Variants in CHN1 observed in about 807,000 individuals in gnomAD.
CHN1 encodes N-chimaerin.
In CHN1, 37 loss-of-function variants were observed where a neutral mutation model predicts 59.5. The ratio of observed to expected loss-of-function variants is 0.62; its 90% CI spans 0.48 to 0.82. The LOEUF (loss-of-function observed/expected upper bound fraction) is 0.82. Ranked by LOEUF, CHN1 falls within the 40% of genes least tolerant of loss-of-function variation. The pLI, the probability that CHN1 is intolerant of heterozygous loss-of-function variation, is 0.00. For synonymous variants in CHN1, 206 were observed against 200.4 expected (o/e 1.03, Z -0.24); for missense variants, 469 against 571.0 (o/e 0.82, Z 1.82).
chr2:174,960,774 A>G lies in CHN1; in HGVS notation c.20-8572T>C, dbSNP rs968124150. ...GAGGCAGAGGTTGCAGTGAGCCGAG[A>G]TCATGCCACTGTACTCTGACCTGGG... is the stretch of plus-strand genomic sequence containing the variant. On this transcript the variant is annotated intron_variant, in intron 1 of 12. Transcript: ENST00000409900. 2.6e-5 allele frequency among the ~76,000 whole-genome samples: 4 copies of G among 152,100 alleles called. No individual in the cohort carries two copies. The East Asian group carries it at 7.7e-4, about 29-fold the overall frequency.
intron 5 of CHN1, among the ~76,000 whole-genome samples, chr2:174,897,759 AG>A: frequency 6.6e-6 from 1 of 152,220 alleles, no homozygotes; most frequent in Non-Finnish European, 1.5e-5. Context: ...CAGACAACAC[AG>A]AAAGAATAGG....
At chr2:174,844,077 A>G (rs1320451112) in intron 7 of CHN1, among the ~76,000 whole-genome samples, 1 of 152,142 alleles carries the variant, frequency 6.6e-6, no homozygotes, top group Non-Finnish European at 1.5e-5. Flanking sequence ...ATTGATTTAG[A>G]TAACTTATAG....
rs530799810 is a variant in CHN1, at chr2:174,826,498, C to T, written c.628-1980G>A. On this transcript the variant is annotated intron_variant, in intron 7 of 12. Transcript: ENST00000409900. The stretch of plus-strand genomic sequence containing the variant: ...ACCTCAGGATAATCAGTATCATTTA[C>T]TTGGTAAGGTGACTAAAGATGCAAT... Among the ~76,000 whole-genome samples, 59 of 152,262 alleles carry T rather than the reference C, an allele frequency of 3.9e-4. No homozygotes were observed. In the South Asian group the frequency reaches 0.012, roughly 30 times the overall value.
chr2:174,996,163 A>G (rs1050831850), intron 1 of CHN1, among the ~76,000 whole-genome samples: 10 of 152,318 alleles, frequency 6.6e-5, no homozygotes, highest in Non-Finnish European at 1.2e-4. Flanking sequence ...AAGGAGAAGC[A>G]AACATTGCCT....
At chr2:174,883,965 C>CAT (rs1382435203) in intron 5 of CHN1, among the ~76,000 whole-genome samples, 9 of 121,506 alleles carry the variant, frequency 7.4e-5, no homozygotes, top group African/African-American at 2.8e-4. Flanking sequence ...AGTCTAACTT[C>CAT]TTTTTTTTTT....
chr2:174,849,138 C>A (rs935568032), intron 6 of CHN1, among the ~76,000 whole-genome samples: 3 of 152,136 alleles, frequency 2.0e-5, no homozygotes, highest in Admixed American at 1.3e-4. Context: ...AAAGTAGCAT[C>A]TTTTTCTTGA....
chr2:174,838,993 G>A (rs980016304), intron 7 of CHN1, among the ~76,000 whole-genome samples: 3 of 151,218 alleles, frequency 2.0e-5, no homozygotes, highest in African/African-American at 7.3e-5. Flanking sequence ...CTCCAGCCTC[G>A]GCGACAGAGT....
At chr2:174,864,889 TA>T (rs1687170867) in intron 6 of CHN1, among the ~76,000 whole-genome samples, 3 of 152,070 alleles carry the variant, frequency 2.0e-5, no homozygotes, top group Admixed American at 2.0e-4. Context: ...AAAAATAAAA[TA>T]AAATGCACTT....
chr2:174,860,725 T>C (rs1331007484), intron 6 of CHN1, among the ~76,000 whole-genome samples: 1 of 152,250 alleles, frequency 6.6e-6, no homozygotes, highest in Non-Finnish European at 1.5e-5. Flanking sequence ...TTTTGTCCCA[T>C]AATCACATTT....
chr2:174,847,513 A>T, intron 6 of CHN1: 1 of 1,217,448 alleles, frequency 8.2e-7, no homozygotes, highest in Non-Finnish European at 1.0e-6. Flanking sequence ...TATTCAAGAT[A>T]TTAATGTCCA....
At chr2:174,820,427 G>T (rs913526274) in intron 8 of CHN1, among the ~76,000 whole-genome samples, 1 of 152,182 alleles carries the variant, frequency 6.6e-6, no homozygotes, top group Non-Finnish European at 1.5e-5. Context: ...CAGTGATGAT[G>T]AGCATTTTTT....
chr2:174,903,168 G>C (rs913720984), intron 5 of CHN1, among the ~76,000 whole-genome samples: 1 of 152,096 alleles, frequency 6.6e-6, no homozygotes, highest in Non-Finnish European at 1.5e-5. Context: ...TGACTATCTC[G>C]TTGTCCATTC....
At chr2:174,955,190 A>C (rs927344188) in intron 1 of CHN1, among the ~76,000 whole-genome samples, 10 of 100,994 alleles carry the variant, frequency 9.9e-5, no homozygotes, top group African/African-American at 4.0e-4. Flanking sequence ...ATATCTATAT[A>C]TATATATATA....
chr2:174,799,195 G>T lies in CHN1; in HGVS notation c.*921C>A, dbSNP rs1261183862. ...AAGTATGTCAAGAAAATATTTTCTA[G>T]ATTTCTGCCAGAGTAATATAAGAAG... On this transcript the variant is annotated 3_prime_UTR_variant, in exon 13 of 13. Transcript: ENST00000409900. The T allele has an allele frequency of 4.8e-6, 1 of 207,844 alleles. No homozygotes were observed. Among genetic ancestry groups the T allele is most frequent in the Non-Finnish European group, 9.8e-6 (1 of 101,966 alleles). The allele number at this position is 207,844 out of a possible 1,614,324, so 12.9% of individuals were successfully genotyped here. A position where few individuals can be genotyped will look rare whatever the true frequency, so the allele number is the denominator to read the frequency against.
At chr2:174,815,818 G>A (rs186484350) in intron 8 of CHN1, among the ~76,000 whole-genome samples, 26 of 152,022 alleles carry the variant, frequency 1.7e-4, no homozygotes, top group Admixed American at 1.2e-3. Flanking sequence ...TTTGACTCTG[G>A]TTCCTACTAA....
At chr2:174,877,379 CATACACACACACATAAT>C (rs1217073499) in intron 6 of CHN1, among the ~76,000 whole-genome samples, 1 of 152,006 alleles carries the variant, frequency 6.6e-6, no homozygotes, top group Non-Finnish European at 1.5e-5. Context: ...TGTGTGTATA[CATACACACACACATAAT>C]ATACACACAC....
rs1289039291 is a variant in CHN1 at position 174,824,510 on chromosome 2, T to A, written c.636A>T (p.Thr212=). Residue 212 remains threonine, a synonymous_variant, in exon 8 of 13, where the codon ACA becomes ACT. Transcript: ENST00000409900. ...ATTCACACCAGTGTGGCCCTCTGAA[T>A]GTATGCACCTGAAAAAAAAAAAGAG... ...YEKIHNFKVH[T]FRGPHWCEYC... 1.3e-6 allele frequency: 2 copies of A among 1,593,218 alleles called. No individual in the cohort carries two copies. The highest frequency in any genetic ancestry group is 1.1e-5 in the South Asian group (1 of 87,420).
At chr2:174,880,221 A>G (rs1687692428) in intron 5 of CHN1, among the ~76,000 whole-genome samples, 1 of 152,162 alleles carries the variant, frequency 6.6e-6, no homozygotes, top group African/African-American at 2.4e-5. Context: ...AACTTATAAC[A>G]TGGTTTGATT....
intron 1 of CHN1, among the ~76,000 whole-genome samples, chr2:174,988,167 G>T (rs1691411945): frequency 6.6e-6 from 1 of 152,008 alleles, no homozygotes; most frequent in African/African-American, 2.4e-5. Context: ...GACCATCCTG[G>T]CTAACACGGT....
Sources: allele counts gnomAD v4.1 joint callset (sites outside exome capture counted in the v4.1 genomes callset), GRCh38; gene constraint gnomAD v4.1.1; transcripts MANE v1.5; gene names NCBI Gene and HGNC (gene_info 2026-07-23, HGNC 2026-07-21).